CUL4A: variants seen among roughly 807,000 people sequenced by gnomAD.
CUL4A encodes cullin-4A.
A neutral mutation model predicts 95.5 loss-of-function variants in CUL4A; 16 were observed. The observed-to-expected ratio is 0.17, with a 90% CI of 0.11 to 0.25. The LOEUF (loss-of-function observed/expected upper bound fraction) is 0.25, where lower values mean the gene tolerates loss of function less well. CUL4A is among the 10% of genes least tolerant of loss of function. CUL4A has a pLI of 1.00. For synonymous variants in CUL4A, 380 were observed against 353.1 expected (o/e 1.08, Z -0.85); for missense variants, 610 against 937.0 (o/e 0.65, Z 4.56).
chr13:113,256,925 C>CTTTTTTTTTTTTTTTTTTTTTT (rs1491171316), intron 18 of CUL4A, among the ~76,000 whole-genome samples: 2 of 37,276 alleles, frequency 5.4e-5, no homozygotes, highest in African/African-American at 9.3e-5. Flanking sequence ...TTTTTTTTTT[C>CTTTTTTTTTTTTTTTTTTTTTT]GTTTTTTTTT....
intron 8 of CUL4A, among the ~76,000 whole-genome samples, chr13:113,235,892 G>A (rs888001130): frequency 4.0e-5 from 6 of 151,336 alleles, no homozygotes; most frequent in South Asian, 4.2e-4. Context: ...AATGGCATGA[G>A]CCCGGGAGGC....
At chr13:113,244,608 C>A in intron 12 of CUL4A, 94 bp downstream of exon 12, 1 of 825,714 alleles carries the variant, frequency 1.2e-6, no homozygotes, top group South Asian at 1.5e-5. Flanking sequence ...ATGTCAGTAT[C>A]AGTAGAGCCA....
In CUL4A at chr13:113,244,473, G is replaced by T. The variant is rs758802173; in HGVS notation, c.1292G>T (p.Arg431Leu). ...NKEATDEELE[R>L]TLDKIMILFR... ...GAAGCCACAGACGAGGAGCTGGAGC[G>T]GACGTTGGACAAGATCATGATCCTG... The change falls in exon 12 of 20, where the codon CGG becomes CTG. Residue 431 changes from arginine to leucine, a missense_variant. Transcript: ENST00000375440. 7 of 1,613,554 alleles carry T rather than the reference G, an allele frequency of 4.3e-6. No homozygotes were observed. Among genetic ancestry groups the T allele is most frequent in the Non-Finnish European group, 5.9e-6 (7 of 1,179,822 alleles).
chr13:113,262,351 A>G (rs939400035), intron 19 of CUL4A, among the ~76,000 whole-genome samples: 2 of 152,190 alleles, frequency 1.3e-5, no homozygotes, highest in Non-Finnish European at 2.9e-5. Context: ...CTATGTAAAT[A>G]CACGAGAATA....
upstream of CUL4A, chr13:113,209,481 G>T (rs2040248632): frequency 3.4e-6 from 1 of 294,356 alleles, no homozygotes; most frequent in Admixed American, 6.6e-5. Context: ...GTAGCCGGGC[G>T]CGGCGGCGGT....
intron 15 of CUL4A, 101 bp from the exon 16 acceptor site, chr13:113,252,981 T>A (rs2042032446): frequency 5.3e-6 from 3 of 571,198 alleles, no homozygotes; most frequent in Non-Finnish European, 9.5e-6. Context: ...GCTGACCTTT[T>A]AATTCAGCCG....
chr13:113,218,465 T>C (rs2040775545), intron 2 of CUL4A, among the ~76,000 whole-genome samples: 1 of 152,134 alleles, frequency 6.6e-6, no homozygotes, highest in Admixed American at 6.6e-5. Flanking sequence ...GATGGGAAGG[T>C]GGTCACTGAG....
At chr13:113,220,308 TGTG>T (rs1172774842) in intron 3 of CUL4A, among the ~76,000 whole-genome samples, 2 of 152,260 alleles carry the variant, frequency 1.3e-5, no homozygotes, top group African/African-American at 4.8e-5. Flanking sequence ...CCAGCTCTGT[TGTG>T]CTGGCTTCTG....
At chr13:113,262,140 A>C (rs1331265582) in intron 19 of CUL4A, among the ~76,000 whole-genome samples, 1 of 152,184 alleles carries the variant, frequency 6.6e-6, no homozygotes, top group Non-Finnish European at 1.5e-5. Flanking sequence ...TGTTTGGAAA[A>C]TAGAGGGTCT....
chr13:113,219,788 A>AT (rs2040831226), intron 3 of CUL4A: 1 of 152,266 alleles, frequency 6.6e-6, no homozygotes, highest in African/African-American at 2.4e-5. Context: ...CGTGTGAGGC[A>AT]TCCTCCACGT....
At chr13:113,236,761 G>A (rs2287253) in intron 8 of CUL4A, 62 bp from the exon 9 acceptor site, 826,425 of 1,115,264 alleles carry the variant, frequency 0.74, 308,886 homozygotes, top group Middle Eastern at 0.81. Flanking sequence ...CCCATCTTTT[G>A]CAGAGAACCA....
intron 8 of CUL4A, 33 bp downstream of exon 8, chr13:113,235,178 C>G (rs373061783): frequency 2.7e-6 from 4 of 1,456,924 alleles, no homozygotes; most frequent in African/African-American, 1.4e-5. Context: ...GCGTTCGTAT[C>G]TTCACCATGG....
At chr13:113,242,442 T>A (rs1294902072) in intron 10 of CUL4A, among the ~76,000 whole-genome samples, 2 of 152,184 alleles carry the variant, frequency 1.3e-5, no homozygotes, top group African/African-American at 4.8e-5. Flanking sequence ...TCCAGTCGTT[T>A]GTAAGTTCTC....
intron 17 of CUL4A, 43 bp downstream of exon 17, chr13:113,254,841 A>C (rs1301941899): frequency 1.2e-5 from 19 of 1,594,304 alleles, no homozygotes; most frequent in Non-Finnish European, 1.5e-5. Flanking sequence ...GTTGTTCTTA[A>C]AGCATGTATT....
chr13:113,217,021 G>A (rs1177652254), intron 2 of CUL4A, among the ~76,000 whole-genome samples: 1 of 152,234 alleles, frequency 6.6e-6, no homozygotes, highest in South Asian at 2.1e-4. Flanking sequence ...AGGAGGCAGA[G>A]TGGGTTATAA....
chr13:113,235,706 C>G (rs1479057361), intron 8 of CUL4A, among the ~76,000 whole-genome samples: 1 of 151,908 alleles, frequency 6.6e-6, no homozygotes, highest in Non-Finnish European at 1.5e-5. Flanking sequence ...CGCGGTGGCT[C>G]AGGCCTGTAA....
chr13:113,223,484 C>A (rs2040979979), intron 3 of CUL4A, among the ~76,000 whole-genome samples: 1 of 152,164 alleles, frequency 6.6e-6, no homozygotes, highest in African/African-American at 2.4e-5. Flanking sequence ...CAACAACCTC[C>A]ACTCCTGGGT....
At chr13:113,259,962 T>A (rs1301232380) in intron 18 of CUL4A, among the ~76,000 whole-genome samples, 1 of 151,516 alleles carries the variant, frequency 6.6e-6, no homozygotes, top group East Asian at 2.0e-4. Flanking sequence ...TCCCAGCACT[T>A]TGGGAGGCCG....
chr13:113,242,889 C>G (rs1229496639), intron 10 of CUL4A, 79 bp from the exon 11 acceptor site: 1 of 1,119,418 alleles, frequency 8.9e-7, no homozygotes, highest in Non-Finnish European at 1.3e-6. Flanking sequence ...TTAAACTATC[C>G]TGATTATATG....
Sources: allele counts gnomAD v4.1 joint callset (sites outside exome capture counted in the v4.1 genomes callset), GRCh38; gene constraint gnomAD v4.1.1; transcripts MANE v1.5; gene names NCBI Gene and HGNC (gene_info 2026-07-23, HGNC 2026-07-21).